Variants in PEX1 observed in about 807,000 individuals in gnomAD.
The protein encoded by PEX1 is peroxisomal ATPase PEX1.
In PEX1, 97 loss-of-function variants were observed where a neutral mutation model predicts 152.5. That is an observed-to-expected ratio of 0.64 (90% CI 0.54 to 0.75). The LOEUF is 0.75. Among genes scored for constraint, PEX1 ranks in the 30% least tolerant of loss-of-function variants. The pLI, the probability that PEX1 is intolerant of heterozygous loss-of-function variation, is 0.00. For synonymous variants in PEX1, 485 were observed against 531.6 expected (o/e 0.91, Z 1.21); for missense variants, 1,357 against 1,516.3 (o/e 0.89, Z 1.74).
intron 17 of PEX1, 67 bp from the exon 18 acceptor site, chr7:92,494,696 C>T (rs1156574085): frequency 5.0e-5 from 61 of 1,220,842 alleles, no homozygotes; most frequent in Non-Finnish European, 6.9e-5. Context: ...ATTTCATATA[C>T]ATATATGAAT....
intron 23 of PEX1, among the ~76,000 whole-genome samples, chr7:92,488,096 C>G (rs915021784): frequency 1.3e-5 from 2 of 152,074 alleles, no homozygotes; most frequent in Non-Finnish European, 2.9e-5. Flanking sequence ...TGTGGCATAG[C>G]TACACTATAA....
At chr7:92,506,713 C>G in intron 10 of PEX1, 1 of 513,276 alleles carries the variant, frequency 1.9e-6, no homozygotes, top group Non-Finnish European at 3.5e-6. Flanking sequence ...TCAACCCTAT[C>G]AACACCTAAT....
chr7:92,519,667 C>T (rs1394685243), intron 2 of PEX1, among the ~76,000 whole-genome samples: 2 of 151,964 alleles, frequency 1.3e-5, no homozygotes, highest in Non-Finnish European at 2.9e-5. Context: ...CATGCTGCTT[C>T]AAGAAAAGTG....
At chr7:92,494,703 G>T in intron 17 of PEX1, 74 bp from the exon 18 acceptor site, 1 of 1,171,638 alleles carries the variant, frequency 8.5e-7, no homozygotes, top group Non-Finnish European at 1.2e-6. Flanking sequence ...ATACATATAT[G>T]AATGTATTTA....
At chr7:92,509,226 C>A in intron 9 of PEX1, 103 bp downstream of exon 9, 1 of 763,324 alleles carries the variant, frequency 1.3e-6, no homozygotes, top group Non-Finnish European at 2.3e-6. Flanking sequence ...TTATTAAGAT[C>A]ACTTATTGAC....
chr7:92,496,850 AAATG>A, intron 16 of PEX1, 73 bp from the exon 17 acceptor site: 2 of 916,482 alleles, frequency 2.2e-6, no homozygotes, highest in South Asian at 1.4e-5. Flanking sequence ...GACTAAGTCT[AAATG>A]AATCATGGAA....
Position 92,513,944 on chromosome 7 carries a change from T to C in PEX1, c.1263A>G (p.Arg421=). 6.3e-7 allele frequency: 1 copy of C among 1,581,822 alleles called. No homozygotes were observed. The highest frequency in any genetic ancestry group is 1.1e-5 in the South Asian group (1 of 89,588). Residue 421 remains arginine, a synonymous_variant, in exon 6 of 24, where the codon AGA becomes AGG. Coordinates refer to ENST00000248633, the MANE Select transcript of PEX1 (RefSeq NM_000466.3). Reference sequence around the variant, plus strand: ...CTACGGCATGCATTTCTATATTTAGTCTCTTCCTCAGGTCATCTGGAATCT... The same window carrying C: ...CTACGGCATGCATTTCTATATTTAGCCTCTTCCTCAGGTCATCTGGAATCT... ...KVWIPDDLRK[R]LNIEMHAVVR...
chr7:92,528,317 T>C lies in PEX1; in HGVS notation c.119A>G (p.His40Arg), dbSNP rs766254587. The change falls in exon 1 of 24, where the codon CAT becomes CGT. Residue 40 changes from histidine to arginine, a missense_variant. Transcript: ENST00000248633. ...HLPRRLVAQL[H>R]LLQNQAIEVV... Reference sequence around the variant, plus strand: ...GGGCCGGCAGGTTACCTGCAGCAGATGCAGCTGGGCCACGAGACGCCGCGG... The same window carrying C: ...GGGCCGGCAGGTTACCTGCAGCAGACGCAGCTGGGCCACGAGACGCCGCGG... 3.9e-5 allele frequency: 61 copies of C among 1,561,650 alleles called. No individual in the cohort carries two copies. Among genetic ancestry groups the C allele is most frequent in the Non-Finnish European group, 5.0e-5 (58 of 1,154,976 alleles).
At chr7:92,516,090 G>GAAAAGAA (rs1792767081) in intron 5 of PEX1, among the ~76,000 whole-genome samples, 2 of 151,398 alleles carry the variant, frequency 1.3e-5, no homozygotes, top group Non-Finnish European at 2.9e-5. Context: ...GAAAAGAAAA[G>GAAAAGAA]AAAAGAAAAG....
intron 1 of PEX1, among the ~76,000 whole-genome samples, chr7:92,524,234 TG>T (rs1793168666): frequency 6.6e-6 from 1 of 151,544 alleles, no homozygotes; most frequent in Non-Finnish European, 1.5e-5. Context: ...ATTACAGGCA[TG>T]AGCCAACATG....
At position 92,518,981 on chromosome 7, in the gene PEX1, T is replaced by C. The variant is rs1243475329; in HGVS notation, c.357+14A>G. The stretch of plus-strand genomic sequence containing the variant: ...TAACCTTAAATGAGATAGTTCTTAT[T>C]TGGTTTTCTTTACCAGTATCTCCCA... On this transcript the variant is annotated intron_variant, in intron 3 of 23. Coordinates refer to ENST00000248633, the MANE Select transcript of PEX1 (RefSeq NM_000466.3). 1.9e-6 allele frequency: 3 copies of C among 1,568,870 alleles called. No homozygotes were observed. The highest frequency in any genetic ancestry group is 1.8e-6 in the Non-Finnish European group (2 of 1,139,094).
chr7:92,521,436 ATTT>A (rs1562869388), intron 2 of PEX1, among the ~76,000 whole-genome samples: 1 of 152,234 alleles, frequency 6.6e-6, no homozygotes, highest in East Asian at 1.9e-4. Context: ...AGAATTTTTT[ATTT>A]TTTATTTTTT....
chr7:92,494,653 A>T (rs772542445), intron 17 of PEX1, 24 bp from the exon 18 acceptor site: 37 of 1,612,234 alleles, frequency 2.3e-5, no homozygotes, highest in Admixed American at 3.3e-5. Context: ...ACAACATTTC[A>T]TATTTGAATC....
intron 5 of PEX1, among the ~76,000 whole-genome samples, chr7:92,514,707 T>C (rs1792641299): frequency 6.6e-6 from 1 of 152,158 alleles, no homozygotes; most frequent in Non-Finnish European, 1.5e-5. Context: ...ATTGTGGTGA[T>C]GGCTGTACAA....
At chr7:92,515,437 C>T (rs10252324) in intron 5 of PEX1, among the ~76,000 whole-genome samples, 22,679 of 151,864 alleles carry the variant, frequency 0.15, 1,777 homozygotes, top group Non-Finnish European at 0.17. Context: ...CATTTTAGTA[C>T]CTGATTTCAC....
intron 20 of PEX1, 97 bp downstream of exon 20, chr7:92,492,856 G>T: frequency 1.1e-6 from 1 of 929,348 alleles, no homozygotes; most frequent in Non-Finnish European, 1.8e-6. Flanking sequence ...TTTTACCAAA[G>T]TTGTTTAAAA....
intron 1 of PEX1, among the ~76,000 whole-genome samples, chr7:92,524,221 G>A (rs1268208484): frequency 6.6e-6 from 1 of 151,256 alleles, no homozygotes; most frequent in Non-Finnish European, 1.5e-5. Flanking sequence ...TCAAAGTGCT[G>A]GGATTACAGG....
chr7:92,501,937 C>T lies in PEX1; in HGVS notation c.2369G>A (p.Arg790Gln), dbSNP rs777466377. ...ACGAGAGAGTCGAGAATGTATGGCT[C>T]GATCCACAAGTACTGTAAAATCTCT... ...VARDFTVLVD[R>Q]AIHSRLSRQS... Residue 790 changes from arginine to glutamine, a missense_variant, in exon 14 of 24, where the codon CGA becomes CAA. Arg to Gln is a conservative substitution (Grantham distance 43, BLOSUM62 1). Transcript: ENST00000248633. The T allele has an allele frequency of 1.9e-6, 3 of 1,613,942 alleles. No homozygotes were observed. Among genetic ancestry groups the T allele is most frequent in the East Asian group, 2.2e-5 (1 of 44,856 alleles).
At chr7:92,512,925 C>A (rs1792547627) in intron 6 of PEX1, among the ~76,000 whole-genome samples, 2 of 152,060 alleles carry the variant, frequency 1.3e-5, no homozygotes, top group Non-Finnish European at 2.9e-5. Context: ...GCCACTGGAC[C>A]CCACCTGCAA....
Sources: allele counts gnomAD v4.1 joint callset (sites outside exome capture counted in the v4.1 genomes callset), GRCh38; gene constraint gnomAD v4.1.1; transcripts MANE v1.5; gene names NCBI Gene and HGNC (gene_info 2026-07-23, HGNC 2026-07-21).